EVI5: variants seen among roughly 807,000 people sequenced by gnomAD.
The protein encoded by EVI5 is ecotropic viral integration site 5 protein homolog.
A neutral mutation model predicts 112.0 loss-of-function variants in EVI5; 73 were observed. The observed-to-expected ratio is 0.65, with a 90% CI of 0.54 to 0.79. EVI5 has a LOEUF of 0.79. Ranked by LOEUF, EVI5 falls within the 30% of genes least tolerant of loss-of-function variation. EVI5 has a pLI of 0.00. For synonymous variants in EVI5, 305 were observed against 319.9 expected (o/e 0.95, Z 0.50); for missense variants, 900 against 968.8 (o/e 0.93, Z 0.94).
In EVI5 at chr1:92,667,289, T is replaced by TA. The variant is rs1049072789; in HGVS notation, c.1159-1298dup. On this transcript the variant is annotated intron_variant, in intron 10 of 19. Coordinates refer to ENST00000684568, the MANE Select transcript of EVI5 (RefSeq NM_001350197.2). The stretch of plus-strand genomic sequence containing the variant: ...ACAGAGCAAGACCTTGTCTCAAATT[T>TA]AAAAAAAAAAAATTGCCCATTTAGA... 2.3e-3 allele frequency among the ~76,000 whole-genome samples: 341 copies of TA among 146,476 alleles called. 2 individuals are homozygous for TA. Among genetic ancestry groups the TA allele is most frequent in the African/African-American group, 6.8e-3 (273 of 40,188 alleles).
rs533143502 is a variant in EVI5 at position 92,765,215 on chromosome 1, C to CTT, written c.-82+19619_-82+19620dup. Reference sequence around the variant, plus strand: ...GAGGTTTCTGCATTTTTTTTCCTTCCTTTTTTTTTTTTTTTTTTTAATAGA... The same window carrying CTT: ...GAGGTTTCTGCATTTTTTTTCCTTCCTTTTTTTTTTTTTTTTTTTTTAATAGA... On this transcript the variant is annotated intron_variant, in intron 1 of 19. Transcript: ENST00000684568. 4.1e-3 allele frequency among the ~76,000 whole-genome samples: 476 copies of CTT among 116,416 alleles called. 9 individuals are homozygous for CTT. Among genetic ancestry groups the CTT allele is most frequent in the Non-Finnish European group, 5.3e-3 (311 of 58,988 alleles). 76.4% of individuals were successfully genotyped at this position (116,416 alleles called of 152,430 possible).
At chr1:92,543,325 C>T (rs1665141024) in intron 19 of EVI5, among the ~76,000 whole-genome samples, 1 of 152,190 alleles carries the variant, frequency 6.6e-6, no homozygotes, top group African/African-American at 2.4e-5. Flanking sequence ...CATGAACCAA[C>T]CTCTGTTAGC....
intron 2 of EVI5, among the ~76,000 whole-genome samples, chr1:92,705,661 T>C (rs1030511217): frequency 3.9e-5 from 6 of 152,154 alleles, no homozygotes; most frequent in Non-Finnish European, 8.8e-5. Context: ...ATTTCCAAGA[T>C]CCAATCCATG....
rs1044935604 is a variant in EVI5 at position 92,751,344 on chromosome 1, A to C, written c.-81-14717T>G. Among the ~76,000 whole-genome samples the C allele has an allele frequency of 5.9e-5, 9 of 152,118 alleles. No homozygotes were observed. The South Asian group carries it at 1.9e-3, about 32-fold the overall frequency. ...TTGTTTAGCTTTATTTGTACTTATA[A>C]ATTCACCCCCAATTCATCCAATTAT... On this transcript the variant is annotated intron_variant, in intron 1 of 19. Coordinates refer to ENST00000684568, the MANE Select transcript of EVI5 (RefSeq NM_001350197.2).
At chr1:92,770,166 A>G (rs913603385) in intron 1 of EVI5, among the ~76,000 whole-genome samples, 3 of 152,172 alleles carry the variant, frequency 2.0e-5, no homozygotes, top group African/African-American at 7.2e-5. Flanking sequence ...AACCCAGTGA[A>G]ACATTTTGAA....
intron 18 of EVI5, among the ~76,000 whole-genome samples, chr1:92,592,631 G>A (rs1388975496): frequency 2.0e-5 from 3 of 152,172 alleles, no homozygotes; most frequent in African/African-American, 7.2e-5. Context: ...GAATCCAGGA[G>A]CTGCTTTTTT....
intron 9 of EVI5, among the ~76,000 whole-genome samples, chr1:92,688,163 G>A (rs1376436405): frequency 6.6e-6 from 1 of 152,170 alleles, no homozygotes; most frequent in Non-Finnish European, 1.5e-5. Flanking sequence ...ACTGGATTAA[G>A]AAAATGTGGC....
rs1283306459 is a variant in EVI5, at chr1:92,693,883, A to G, written c.1016T>C (p.Ile339Thr). ...TGGGACACCATCAAACTGATGTGGAATGACCTTTTGAAAGTGCTAAGATAC... is the reference window on the plus strand; with the variant it reads ...TGGGACACCATCAAACTGATGTGGAGTGACCTTTTGAAAGTGCTAAGATAC... ...EGMLQHFQKV[I>T]PHQFDGVPDK... The change falls in exon 9 of 20, where the codon ATT (isoleucine) becomes ACT (threonine). Residue 339 changes from isoleucine to threonine, a missense_variant. Physicochemically the swap from Ile to Thr is moderately conservative, Grantham distance 89 (BLOSUM62 -1). Transcript: ENST00000684568. The G allele has an allele frequency of 6.3e-7, 1 of 1,595,612 alleles. No individual in the cohort carries two copies. Among genetic ancestry groups the G allele is most frequent in the Admixed American group, 1.7e-5 (1 of 59,824 alleles).
intron 19 of EVI5, among the ~76,000 whole-genome samples, chr1:92,554,501 T>C (rs887601682): frequency 6.6e-6 from 1 of 152,228 alleles, no homozygotes; most frequent in African/African-American, 2.4e-5. Flanking sequence ...GTTTAAAAAA[T>C]ATGATTCTTA....
At chr1:92,625,126 G>C (rs1655399586) in intron 15 of EVI5, among the ~76,000 whole-genome samples, 1 of 151,824 alleles carries the variant, frequency 6.6e-6, no homozygotes, top group Non-Finnish European at 1.5e-5. Flanking sequence ...AAAAAAATGG[G>C]GCCATTAAGG....
At chr1:92,612,727 A>AAAAG in intron 16 of EVI5, among the ~76,000 whole-genome samples, 1 of 52,670 alleles carries the variant, frequency 1.9e-5, no homozygotes, top group East Asian at 1.2e-3. Flanking sequence ...AAAAAAAAGG[A>AAAAG]AAAAAAAAAA....
intron 18 of EVI5, among the ~76,000 whole-genome samples, chr1:92,576,621 C>T (rs902681936): frequency 2.0e-5 from 3 of 152,164 alleles, no homozygotes; most frequent in African/African-American, 4.8e-5. Context: ...AGCATTCCTA[C>T]TAGAATGTCT....
At chr1:92,648,377 AAATAAT>A (rs1002242493) in intron 13 of EVI5, among the ~76,000 whole-genome samples, 2 of 151,164 alleles carry the variant, frequency 1.3e-5, no homozygotes, top group Non-Finnish European at 2.9e-5. Flanking sequence ...AGTCTCAAAA[AAATAAT>A]AATAATAAAA....
intron 10 of EVI5, among the ~76,000 whole-genome samples, chr1:92,675,107 C>T (rs11809055): frequency 0.2 from 30,574 of 152,160 alleles, 3,570 homozygotes; most frequent in Non-Finnish European, 0.26. Flanking sequence ...CTTTGGAAGG[C>T]CAATGCAGGT....
chr1:92,644,445 T>C (rs1430010418), intron 13 of EVI5, among the ~76,000 whole-genome samples: 1 of 152,242 alleles, frequency 6.6e-6, no homozygotes, highest in Non-Finnish European at 1.5e-5. Context: ...TTACTGATCA[T>C]TTCAAGAAGC....
intron 13 of EVI5, chr1:92,647,326 T>A: frequency 4.6e-6 from 1 of 216,840 alleles, no homozygotes; most frequent in East Asian, 1.1e-4. Flanking sequence ...GATCTTGGGG[T>A]GAAATTCTGA....
chr1:92,681,599 T>C (rs1667599412), intron 9 of EVI5, among the ~76,000 whole-genome samples: 1 of 152,124 alleles, frequency 6.6e-6, no homozygotes, highest in African/African-American at 2.4e-5. Flanking sequence ...CCAACCTTCA[T>C]TACAGCAAAG....
chr1:92,549,187 A>T (rs1186910591), intron 19 of EVI5, among the ~76,000 whole-genome samples: 1 of 152,222 alleles, frequency 6.6e-6, no homozygotes. Context: ...CCTCAGAAAT[A>T]ATGCCACATG....
Position 92,565,948 on chromosome 1 carries a change from C to CAAAAAAAAAAAAAAAAAAAAAAAA in EVI5, c.2071-2212_2071-2211insTTTTTTTTTTTTTTTTTTTTTTTT, listed in dbSNP as rs71586755. On this transcript the variant is annotated intron_variant, in intron 18 of 19. Coordinates refer to ENST00000684568, the MANE Select transcript of EVI5 (RefSeq NM_001350197.2). ...TTGCGCCACTGCATTCCAGCCCGAG[C>CAAAAAAAAAAAAAAAAAAAAAAAA]AAAAAAAAAAAAAAAAAAAAGAAAT... is the stretch of plus-strand genomic sequence containing the variant. Among the ~76,000 whole-genome samples the CAAAAAAAAAAAAAAAAAAAAAAAA allele has an allele frequency of 9.1e-4, 47 of 51,870 alleles. 16 individuals are homozygous for CAAAAAAAAAAAAAAAAAAAAAAAA. The highest frequency in any genetic ancestry group is 4.0e-3 in the African/African-American group (41 of 10,136). The allele number at this position is 51,870 out of a possible 152,430, so 34.0% of individuals were successfully genotyped here. A position where few individuals can be genotyped will look rare whatever the true frequency, so the allele number is the denominator to read the frequency against.
Sources: gnomAD v4.1 joint callset for allele counts (sites outside exome capture counted in the v4.1 genomes callset) on GRCh38, gnomAD v4.1.1 for gene constraint, MANE v1.5 for transcripts, NCBI Gene and HGNC (gene_info 2026-07-23, HGNC 2026-07-21) for gene names.